The following DPYSL2 variants were observed in gnomAD, a reference collection of about 807,000 sequenced individuals.
The protein encoded by DPYSL2 is dihydropyrimidinase-related protein 2.
In DPYSL2, 13 loss-of-function variants were observed where a neutral mutation model predicts 69.9. The observed-to-expected ratio is 0.19, with a 90% CI of 0.12 to 0.30. The LOEUF is 0.30. DPYSL2 is among the 10% of genes least tolerant of loss of function. The probability of loss-of-function intolerance (pLI) is 1.00; values close to 1 mark genes in which losing one functional copy is unlikely to be tolerated. For synonymous variants in DPYSL2, 326 were observed against 359.1 expected (o/e 0.91, Z 1.04); for missense variants, 587 against 918.9 (o/e 0.64, Z 4.67).
intron 7 of DPYSL2, 105 bp downstream of exon 7, chr8:26,628,045 C>T: frequency 1.7e-6 from 2 of 1,149,180 alleles, no homozygotes; most frequent in African/African-American, 1.5e-5. Context: ...TTCTCTGATG[C>T]TGACTGTGGT....
At chr8:26,606,951 A>G (rs1802120353) in intron 3 of DPYSL2, among the ~76,000 whole-genome samples, 1 of 152,336 alleles carries the variant, frequency 6.6e-6, no homozygotes, top group Middle Eastern at 3.4e-3. Flanking sequence ...TTACATTGGC[A>G]TGGCCCTTTC....
chr8:26,569,711 G>A (rs1801208832), intron 1 of DPYSL2, among the ~76,000 whole-genome samples: 1 of 152,186 alleles, frequency 6.6e-6, no homozygotes, highest in Non-Finnish European at 1.5e-5. Flanking sequence ...AGACAAGGAA[G>A]AGTAGGAGTA....
intron 1 of DPYSL2, among the ~76,000 whole-genome samples, chr8:26,578,954 TG>T (rs1045950932): frequency 2.2e-4 from 7 of 31,776 alleles, no homozygotes; most frequent in Non-Finnish European, 3.0e-4. Context: ...CGGTTTTGGG[TG>T]CCCCCCCCCC....
chr8:26,584,745 G>A (rs1335307242), intron 3 of DPYSL2, among the ~76,000 whole-genome samples: 1 of 149,188 alleles, frequency 6.7e-6, no homozygotes, highest in African/African-American at 2.5e-5. Flanking sequence ...TCAGCCACCC[G>A]AGTAGCCGGG....
In DPYSL2 at chr8:26,647,872, C is replaced by T. The variant is rs1259872555; in HGVS notation, c.1596+72C>T. On this transcript the variant is annotated intron_variant, in intron 11 of 13. Coordinates refer to ENST00000521913, the MANE Select transcript of DPYSL2 (RefSeq NM_001197293.3). The surrounding 1 kb of genome is among the most constrained non-coding windows in gnomAD (Gnocchi z 5.1). ...ACAGAGACACAGACGGAGGGAGAGCCCCAGGGTTTCTAAAAAGAACTTGCT... is the reference window on the plus strand; with the variant it reads ...ACAGAGACACAGACGGAGGGAGAGCTCCAGGGTTTCTAAAAAGAACTTGCT... 1.3e-6 allele frequency: 2 copies of T among 1,488,686 alleles called. No individual in the cohort carries two copies. Among genetic ancestry groups the T allele is most frequent in the Non-Finnish European group, 1.8e-6 (2 of 1,117,086 alleles). The allele number at this position is 1,488,686 out of a possible 1,614,324, so 92.2% of individuals were successfully genotyped here.
Position 26,565,795 on chromosome 8 carries a change from T to C in DPYSL2, c.355-16174T>C, listed in dbSNP as rs1387816523. 6.6e-6 allele frequency among the ~76,000 whole-genome samples: 1 copy of C among 152,172 alleles called. No individual in the cohort carries two copies. Among genetic ancestry groups the C allele is most frequent in the African/African-American group, 2.4e-5 (1 of 41,446 alleles). ...AGGGTCCCCGCTCCATGCAATTAAC[T>C]GGAAAGTCAAACTGCTGGTGGTTCT... On this transcript the variant is annotated intron_variant, in intron 1 of 13. Coordinates refer to ENST00000521913, the MANE Select transcript of DPYSL2 (RefSeq NM_001197293.3). This position sits in a 1 kb window ranked among gnomAD's most constrained non-coding sequence, Gnocchi z 4.1.
intron 1 of DPYSL2, among the ~76,000 whole-genome samples, chr8:26,521,389 A>G (rs1001229301): frequency 3.3e-5 from 5 of 152,000 alleles, no homozygotes. Context: ...CTCAGTGGTC[A>G]TTGGGCTGTC....
chr8:26,576,398 G>A (rs1453335472), intron 1 of DPYSL2, among the ~76,000 whole-genome samples: 2 of 151,952 alleles, frequency 1.3e-5, no homozygotes, highest in Non-Finnish European at 2.9e-5. Context: ...ATTACGTAGG[G>A]ATTCTATGTA....
chr8:26,607,784 G>GA (rs368713483), intron 3 of DPYSL2, among the ~76,000 whole-genome samples: 510 of 139,414 alleles, frequency 3.7e-3, no homozygotes, highest in Middle Eastern at 7.3e-3. Flanking sequence ...GTGTCAAAAA[G>GA]AAAAAAAAAA....
chr8:26,627,197 C>T lies in DPYSL2; in HGVS notation c.856-18C>T. On this transcript the variant is annotated intron_variant, in intron 5 of 13. Transcript: ENST00000521913. The surrounding 1 kb of genome is among the most constrained non-coding windows in gnomAD (Gnocchi z 6.9). The stretch of plus-strand genomic sequence containing the variant: ...ATGGAAGTCCCTGTCTCTGATCCCA[C>T]CCTTGTCTCTCTCTCAGATTTATGA... The T allele has an allele frequency of 6.2e-6, 10 of 1,612,914 alleles. No homozygotes were observed. Among genetic ancestry groups the T allele is most frequent in the Non-Finnish European group, 8.5e-6 (10 of 1,178,868 alleles).
rs1182779560 is a variant in DPYSL2 at position 26,571,209 on chromosome 8, G to A, written c.355-10760G>A. ...GAGGGTGGAGTGGGCTGGATCTGTC[G>A]CTAAGTGTCCAGAAGTAGACTAGTT... On this transcript the variant is annotated intron_variant, in intron 1 of 13. Coordinates refer to ENST00000521913, the MANE Select transcript of DPYSL2 (RefSeq NM_001197293.3). The surrounding 1 kb of genome is among the most constrained non-coding windows in gnomAD (Gnocchi z 6.1). Among the ~76,000 whole-genome samples, 2 of 152,114 alleles carry A rather than the reference G, an allele frequency of 1.3e-5. No individual in the cohort carries two copies. The highest frequency in any genetic ancestry group is 6.5e-5 in the Admixed American group (1 of 15,274).
chr8:26,523,448 T>C (rs1808423020), intron 1 of DPYSL2, among the ~76,000 whole-genome samples: 1 of 152,188 alleles, frequency 6.6e-6, no homozygotes, highest in South Asian at 2.1e-4. Context: ...TGAAACTTTG[T>C]ACCCATGAAG....
intron 8 of DPYSL2, among the ~76,000 whole-genome samples, chr8:26,639,662 A>G (rs1802996663): frequency 6.6e-6 from 1 of 152,194 alleles, no homozygotes; most frequent in East Asian, 1.9e-4. Flanking sequence ...AGGAGCAACC[A>G]ACCACTCTCG....
At chr8:26,566,201 AC>A (rs1395922682) in intron 1 of DPYSL2, among the ~76,000 whole-genome samples, 1 of 152,132 alleles carries the variant, frequency 6.6e-6, no homozygotes, top group African/African-American at 2.4e-5. Flanking sequence ...TCTGGAAATG[AC>A]CTTGCAGGGT....
chr8:26,584,727 C>G (rs530650755), intron 3 of DPYSL2, among the ~76,000 whole-genome samples: 1 of 146,490 alleles, frequency 6.8e-6, no homozygotes, highest in South Asian at 2.2e-4. Context: ...TCAAGTGATT[C>G]TCCTGGCTCA....
intron 1 of DPYSL2, among the ~76,000 whole-genome samples, chr8:26,572,583 T>TGAG (rs745804486): frequency 2.6e-4 from 39 of 152,272 alleles, no homozygotes; most frequent in Non-Finnish European, 5.0e-4. Flanking sequence ...CACTGCAACC[T>TGAG]CCGTTTCCCA....
In DPYSL2 at chr8:26,627,284, A is replaced by C. The variant is rs1245776411; in HGVS notation, c.925A>C (p.Ile309Leu). The change falls in exon 6 of 14, where the codon ATC becomes CTC. Residue 309 changes from isoleucine (I) to leucine (L), a missense_variant. Ile to Leu is a conservative substitution (Grantham distance 5). Coordinates refer to ENST00000521913, the MANE Select transcript of DPYSL2 (RefSeq NM_001197293.3). The surrounding 1 kb of genome is among the most constrained non-coding windows in gnomAD (Gnocchi z 6.9). The part of the protein sequence containing the change: ...IAQVHAENGD[I>L]IAEEQQRILD... ...CCAAGTCCACGCAGAAAATGGCGAC[A>C]TCATTGCAGAGGTACAGGGCTTTCT... 1.1e-5 allele frequency: 17 copies of C among 1,614,194 alleles called. No individual in the cohort carries two copies. The highest frequency in any genetic ancestry group is 1.4e-5 in the Non-Finnish European group (17 of 1,180,022).
chr8:26,583,789 G>T lies in DPYSL2; in HGVS notation c.444-10G>T. On this transcript the variant is annotated splice_polypyrimidine_tract_variant and intron_variant, in intron 2 of 13. Transcript: ENST00000521913. ...ATTTACAACCCTTATCACCAACCCT[G>T]TTTATTTAGGCAAATAGGAGAAAAT... is the stretch of plus-strand genomic sequence containing the variant. 3.1e-6 allele frequency: 5 copies of T among 1,605,506 alleles called. No homozygotes were observed. Among genetic ancestry groups the T allele is most frequent in the Non-Finnish European group, 4.3e-6 (5 of 1,175,870 alleles).
At chr8:26,551,015 A>T (rs143527724) in intron 1 of DPYSL2, among the ~76,000 whole-genome samples, 26 of 152,224 alleles carry the variant, frequency 1.7e-4, no homozygotes, top group African/African-American at 5.8e-4. Flanking sequence ...GCCCACTCAC[A>T]TTACATCTGG....
Sources: gnomAD v4.1 joint callset for allele counts (sites outside exome capture counted in the v4.1 genomes callset) on GRCh38, gnomAD v4.1.1 for gene constraint, Gnocchi (gnomAD v3.1) non-coding constraint, MANE v1.5 for transcripts, NCBI Gene and HGNC (gene_info 2026-07-23, HGNC 2026-07-21) for gene names.